Variants in SPECC1 observed in about 807,000 individuals in gnomAD.
The protein encoded by SPECC1 is cytospin-B.
SPECC1 carries 62 observed loss-of-function variants against 104.1 expected under a neutral mutation model. The observed-to-expected ratio is 0.60, with a 90% CI of 0.49 to 0.74. The LOEUF is 0.74. SPECC1 is among the 30% of genes least tolerant of loss of function. The probability of loss-of-function intolerance (pLI) is 0.00; values close to 1 mark genes in which losing one functional copy is unlikely to be tolerated. For missense variants in SPECC1, 1,306 were observed against 1,310.5 expected, an observed-to-expected ratio of 1.00 and a Z score of 0.05; for synonymous variants, 513 against 501.6, an observed-to-expected ratio of 1.02 and a Z score of -0.30.
chr17:20,168,096 G>T (rs929925704), intron 3 of SPECC1, among the ~76,000 whole-genome samples: 1 of 152,102 alleles, frequency 6.6e-6, no homozygotes, highest in Admixed American at 6.5e-5. Flanking sequence ...AAAGCATTCC[G>T]ATTTGTTTTG....
intron 1 of SPECC1, among the ~76,000 whole-genome samples, chr17:20,079,761 G>C (rs1567828512): frequency 6.6e-6 from 1 of 152,136 alleles, no homozygotes; most frequent in Non-Finnish European, 1.5e-5. Context: ...GGGTTGGGGA[G>C]GAGGGACAGT....
intron 2 of SPECC1, 89 bp from the exon 3 acceptor site, chr17:20,110,338 A>G (rs2048422908): frequency 3.5e-6 from 5 of 1,444,756 alleles, no homozygotes; most frequent in Non-Finnish European, 4.7e-6. Flanking sequence ...TGCTGGGCAC[A>G]TAGCCCAGCT....
chr17:20,067,110 A>C (rs563231404), intron 1 of SPECC1: 35 of 152,112 alleles, frequency 2.3e-4, no homozygotes, highest in Non-Finnish European at 2.4e-4. Flanking sequence ...AGTGTAGAAA[A>C]ATGTAAAAAG....
At chr17:20,246,131 A>G (rs777283538) in intron 8 of SPECC1, 60 bp downstream of exon 8, 338 of 1,592,324 alleles carry the variant, frequency 2.1e-4, no homozygotes, top group Non-Finnish European at 2.8e-4. Context: ...CCGACATTTG[A>G]TATGTCTACT....
chr17:20,117,020 A>C (rs2048796147), intron 3 of SPECC1, among the ~76,000 whole-genome samples: 1 of 151,958 alleles, frequency 6.6e-6, no homozygotes, highest in African/African-American at 2.4e-5. Context: ...AAATTCTGAC[A>C]ATACTAATCA....
At chr17:20,273,258 T>C (rs898283109) in intron 12 of SPECC1, among the ~76,000 whole-genome samples, 1 of 151,788 alleles carries the variant, frequency 6.6e-6, no homozygotes, top group African/African-American at 2.4e-5. Context: ...CCGAGGTGGG[T>C]GGATTGCTTG....
chr17:20,047,798 C>G (rs920434391), intron 1 of SPECC1, among the ~76,000 whole-genome samples: 1 of 151,504 alleles, frequency 6.6e-6, no homozygotes, highest in African/African-American at 2.4e-5. Flanking sequence ...GGGGTTTCAC[C>G]GTGTTAGCCA....
intron 7 of SPECC1, among the ~76,000 whole-genome samples, chr17:20,235,927 GCTTAAC>G (rs1490778659): frequency 1.3e-5 from 2 of 152,216 alleles, no homozygotes; most frequent in Non-Finnish European, 2.9e-5. Context: ...ACTGGAATTG[GCTTAAC>G]TCCATGTGTG....
intron 12 of SPECC1, among the ~76,000 whole-genome samples, chr17:20,295,310 G>C (rs181286479): frequency 2.0e-5 from 3 of 151,724 alleles, no homozygotes; most frequent in Admixed American, 6.6e-5. Context: ...TCAGTATGAT[G>C]GTTTCCAGCT....
intron 3 of SPECC1, among the ~76,000 whole-genome samples, chr17:20,162,252 T>A (rs1334542342): frequency 1.3e-5 from 2 of 151,952 alleles, no homozygotes; most frequent in Non-Finnish European, 2.9e-5. Flanking sequence ...TTCACGCCAT[T>A]CTCCTGCCTC....
intron 3 of SPECC1, among the ~76,000 whole-genome samples, chr17:20,160,805 T>C (rs543430708): frequency 7.9e-5 from 12 of 152,316 alleles, no homozygotes; most frequent in Non-Finnish European, 1.5e-4. Flanking sequence ...CAAGCCTCTC[T>C]ACTACTAACC....
chr17:20,246,159 G>A (rs1415259400), intron 8 of SPECC1, 88 bp downstream of exon 8: 7 of 1,505,282 alleles, frequency 4.7e-6, no homozygotes, highest in African/African-American at 1.4e-5. Context: ...CTCCACCCTG[G>A]CCCTGTGTTG....
chr17:20,194,183 G>A (rs1471452625), intron 3 of SPECC1, among the ~76,000 whole-genome samples: 1 of 152,170 alleles, frequency 6.6e-6, no homozygotes, highest in African/African-American at 2.4e-5. Context: ...AGGGATCTCA[G>A]ATAAGACTTT....
chr17:20,153,107 A>G (rs555749123), intron 3 of SPECC1, among the ~76,000 whole-genome samples: 219 of 152,344 alleles, frequency 1.4e-3, no homozygotes, highest in Non-Finnish European at 2.3e-3. Flanking sequence ...GAATTTAGGA[A>G]GGACACAACT....
intron 12 of SPECC1, among the ~76,000 whole-genome samples, chr17:20,288,404 C>A (rs1398434309): frequency 6.6e-6 from 1 of 152,026 alleles, no homozygotes. Flanking sequence ...ACAACATCCC[C>A]ATTAAAAAGT....
intron 1 of SPECC1, among the ~76,000 whole-genome samples, chr17:20,082,779 A>G (rs562414101): frequency 1.3e-5 from 2 of 152,226 alleles, no homozygotes; most frequent in South Asian, 4.2e-4. Context: ...ATACAGTTAC[A>G]TTCTGAGACA....
chr17:20,290,966 G>A (rs1163914945), intron 12 of SPECC1, among the ~76,000 whole-genome samples: 2 of 152,242 alleles, frequency 1.3e-5, no homozygotes, highest in African/African-American at 2.4e-5. Flanking sequence ...AATGATAGAA[G>A]ATGTAAGTGT....
intron 13 of SPECC1, among the ~76,000 whole-genome samples, chr17:20,304,814 C>A (rs988485298): frequency 9.2e-5 from 14 of 151,824 alleles, no homozygotes; most frequent in African/African-American, 2.9e-4. Context: ...TGCGAGGAAG[C>A]CAGGGTCCAA....
At chr17:20,246,356 A>G (rs1281988874) in intron 8 of SPECC1, among the ~76,000 whole-genome samples, 1 of 152,138 alleles carries the variant, frequency 6.6e-6, no homozygotes, top group Non-Finnish European at 1.5e-5. Flanking sequence ...TGCCTCTCAT[A>G]GCCATTAAAT....
Sources: allele counts gnomAD v4.1 joint callset (sites outside exome capture counted in the v4.1 genomes callset), GRCh38; gene constraint gnomAD v4.1.1; transcripts MANE v1.5; gene names NCBI Gene and HGNC (gene_info 2026-07-23, HGNC 2026-07-21).